MAML3: variants seen among roughly 807,000 people sequenced by gnomAD.
MAML3 encodes mastermind-like protein 3.
In MAML3, 27 loss-of-function variants were observed where a neutral mutation model predicts 101.9. That is an observed-to-expected ratio of 0.27 (90% CI 0.20 to 0.37). MAML3 has a LOEUF of 0.37. Among genes scored for constraint, MAML3 ranks in the 10% least tolerant of loss-of-function variants. The pLI is 1.00. For missense variants in MAML3, 1,316 were observed against 1,444.9 expected (o/e 0.91, Z 1.45); for synonymous variants, 501 against 555.9 (o/e 0.90, Z 1.39).
chr4:140,083,160 G>A (rs72935763), intron 1 of MAML3, among the ~76,000 whole-genome samples: 2,808 of 152,272 alleles, frequency 0.018, 85 homozygotes, highest in African/African-American at 0.065. Context: ...TAGCTAGTAA[G>A]TAAAGAACCG....
chr4:139,924,203 G>A (rs1033844871), intron 1 of MAML3, among the ~76,000 whole-genome samples: 3 of 152,174 alleles, frequency 2.0e-5, no homozygotes, highest in Non-Finnish European at 2.9e-5. Context: ...CAGAGATAGT[G>A]GCTGAATTGT....
At chr4:139,833,530 GAC>G (rs2111136483) in intron 2 of MAML3, among the ~76,000 whole-genome samples, 2 of 152,228 alleles carry the variant, frequency 1.3e-5, no homozygotes, top group East Asian at 3.9e-4. Context: ...AAAGAGAAAA[GAC>G]AGGAGAAAAC....
intron 1 of MAML3, among the ~76,000 whole-genome samples, chr4:140,015,464 A>G (rs1352542441): frequency 6.6e-6 from 1 of 152,218 alleles, no homozygotes; most frequent in Non-Finnish European, 1.5e-5. Flanking sequence ...CTTAATTTTT[A>G]GAAATGGAGA....
At chr4:139,985,960 G>A (rs114112392) in intron 1 of MAML3, among the ~76,000 whole-genome samples, 223 of 152,360 alleles carry the variant, frequency 1.5e-3, no homozygotes, top group African/African-American at 4.6e-3. Flanking sequence ...GCCATGCCTC[G>A]TCATTCTCTT....
At chr4:139,913,129 T>C (rs1234869498) in intron 1 of MAML3, among the ~76,000 whole-genome samples, 1 of 152,238 alleles carries the variant, frequency 6.6e-6, no homozygotes, top group African/African-American at 2.4e-5. Context: ...GGGTTTTCTT[T>C]CTGTCTTTTC....
At chr4:139,832,867 C>T (rs1336170855) in intron 2 of MAML3, among the ~76,000 whole-genome samples, 1 of 152,230 alleles carries the variant, frequency 6.6e-6, no homozygotes, top group African/African-American at 2.4e-5. Context: ...CCGCAGTGAT[C>T]AGCCTGGATT....
intron 1 of MAML3, among the ~76,000 whole-genome samples, chr4:140,121,913 T>C (rs928961227): frequency 1.1e-4 from 16 of 152,110 alleles, no homozygotes; most frequent in African/African-American, 3.1e-4. Flanking sequence ...CTCCATGCTG[T>C]TCTTGTGATA....
At chr4:139,975,965 A>G (rs1480490129) in intron 1 of MAML3, among the ~76,000 whole-genome samples, 1 of 152,258 alleles carries the variant, frequency 6.6e-6, no homozygotes, top group Non-Finnish European at 1.5e-5. Context: ...AAATGTACTG[A>G]AAATAAAATG....
rs139068350 is a variant in MAML3, at chr4:140,137,888, C to T, written c.468+14972G>A. Among the ~76,000 whole-genome samples the T allele has an allele frequency of 1.8e-3, 271 of 152,324 alleles. 1 individual carries two copies. Among genetic ancestry groups the T allele is most frequent in the African/African-American group, 6.2e-3 (256 of 41,580 alleles). On this transcript the variant is annotated intron_variant, in intron 1 of 4. Transcript: ENST00000509479. ...CAGTAACACAAACAACCTGTGCCTC[C>T]GTGGAGGGCACGAAGGCATGATTCT... is the stretch of plus-strand genomic sequence containing the variant.
intron 1 of MAML3, among the ~76,000 whole-genome samples, chr4:140,041,864 G>A (rs1194732555): frequency 3.3e-5 from 5 of 152,156 alleles, no homozygotes; most frequent in Admixed American, 2.6e-4. Context: ...CCTTCATCCA[G>A]AGAGCCTATT....
At position 140,134,645 on chromosome 4, in the gene MAML3, T is replaced by C. The variant is rs561808755; in HGVS notation, c.468+18215A>G. The C allele has an allele frequency of 1.6e-3, 427 of 268,096 alleles. 11 individuals are homozygous for C. In the South Asian group the frequency reaches 0.017, roughly 10 times the overall value. 16.6% of individuals were successfully genotyped at this position (268,096 alleles called of 1,614,324 possible). A position where few individuals can be genotyped will look rare whatever the true frequency, so the allele number is the denominator to read the frequency against. ...TACATATACATACATGTGTATTTTT[T>C]TCCAGTAGATTTTGGCCTTTTAATG... On this transcript the variant is annotated intron_variant, in intron 1 of 4. Transcript: ENST00000509479.
At chr4:140,048,216 G>A (rs149926156) in intron 1 of MAML3, among the ~76,000 whole-genome samples, 1 of 152,218 alleles carries the variant, frequency 6.6e-6, no homozygotes, top group Non-Finnish European at 1.5e-5. Flanking sequence ...ATTTCTTGAG[G>A]GAAATGGACA....
chr4:140,019,732 C>G (rs952960856), intron 1 of MAML3, among the ~76,000 whole-genome samples: 5 of 152,202 alleles, frequency 3.3e-5, no homozygotes, highest in Admixed American at 2.0e-4. Context: ...GTCCTTTTCA[C>G]AAAGACTGCA....
chr4:139,921,605 T>G (rs554982616), intron 1 of MAML3, among the ~76,000 whole-genome samples: 1 of 152,268 alleles, frequency 6.6e-6, no homozygotes, highest in Admixed American at 6.5e-5. Context: ...GCTCTGCACA[T>G]GTCCCTAGCC....
At chr4:140,002,157 T>C (rs981903300) in intron 1 of MAML3, among the ~76,000 whole-genome samples, 1 of 152,204 alleles carries the variant, frequency 6.6e-6, no homozygotes, top group Non-Finnish European at 1.5e-5. Context: ...CTTGAACTTA[T>C]TCCTTTTGTC....
Position 140,153,472 on chromosome 4 carries a change from G to T in MAML3, c.-145C>A. 1.1e-6 allele frequency: 1 copy of T among 901,812 alleles called. No individual in the cohort carries two copies. Among genetic ancestry groups the T allele is most frequent in the Non-Finnish European group, 1.5e-6 (1 of 670,560 alleles). The allele number at this position is 901,812 out of a possible 1,614,324, so 55.9% of individuals were successfully genotyped here. On this transcript the variant is annotated 5_prime_UTR_variant, in exon 1 of 5. Coordinates refer to ENST00000509479, the MANE Select transcript of MAML3 (RefSeq NM_018717.5). ...GGATGGAAACGGCGATCCCGACGGG[G>T]CGAAAAAAACGGGGGGGGAGATTTT...
chr4:139,848,323 T>C lies in MAML3; in HGVS notation c.2079+41034A>G, dbSNP rs181043930. Among the ~76,000 whole-genome samples, 106 of 152,340 alleles carry C rather than the reference T, an allele frequency of 7.0e-4. 1 individual carries two copies. Among genetic ancestry groups the C allele is most frequent in the African/African-American group, 2.5e-3 (102 of 41,570 alleles). ...TTAAAGCTGAGGCAGAAGCTGCATA[T>C]GTCAGATATTTTCTGGTTACATATT... On this transcript the variant is annotated intron_variant, in intron 2 of 4. Transcript: ENST00000509479.
At chr4:139,883,889 C>CTTTTTTTTTTTTTTTTTTTTTTTTTTTT (rs70943452) in intron 2 of MAML3, among the ~76,000 whole-genome samples, 2 of 74,324 alleles carry the variant, frequency 2.7e-5, no homozygotes, top group African/African-American at 1.1e-4. Flanking sequence ...AATTGCTTGT[C>CTTTTTTTTTTTTTTTTTTTTTTTTTTTT]TTTTTTTTTT....
chr4:140,113,282 A>G (rs2111014169), intron 1 of MAML3, among the ~76,000 whole-genome samples: 1 of 152,270 alleles, frequency 6.6e-6, no homozygotes, highest in African/African-American at 2.4e-5. Context: ...CGGTCTCAAA[A>G]AAATAAATAA....
Sources: allele counts gnomAD v4.1 joint callset (sites outside exome capture counted in the v4.1 genomes callset), GRCh38; gene constraint gnomAD v4.1.1; transcripts MANE v1.5; gene names NCBI Gene and HGNC (gene_info 2026-07-23, HGNC 2026-07-21).